SENP5: variants seen among roughly 807,000 people sequenced by gnomAD.
SENP5 encodes the protein SUMO specific peptidase 5.
A neutral mutation model predicts 74.2 loss-of-function variants in SENP5; 21 were observed. The ratio of observed to expected loss-of-function variants is 0.28; its 90% CI spans 0.20 to 0.41. The LOEUF is 0.41. Among genes scored for constraint, SENP5 ranks in the 10% least tolerant of loss-of-function variants. The pLI is 1.00. For missense variants in SENP5, 717 were observed against 889.1 expected, an observed-to-expected ratio of 0.81 and a Z score of 2.46; for synonymous variants, 311 against 312.7, an observed-to-expected ratio of 0.99 and a Z score of 0.06.
chr3:196,881,057 C>T (rs933783523), intron 1 of SENP5, among the ~76,000 whole-genome samples: 4 of 152,098 alleles, frequency 2.6e-5, no homozygotes, highest in African/African-American at 9.7e-5. Flanking sequence ...GTTGATCCAC[C>T]CACCTCAGCC....
intron 1 of SENP5, among the ~76,000 whole-genome samples, chr3:196,873,210 A>T (rs1713294129): frequency 6.6e-6 from 1 of 151,470 alleles, no homozygotes; most frequent in South Asian, 2.1e-4. Flanking sequence ...AGTAGCTGAG[A>T]TTACAGGCAC....
intron 6 of SENP5, among the ~76,000 whole-genome samples, chr3:196,915,112 A>G (rs1004655958): frequency 6.6e-6 from 1 of 152,230 alleles, no homozygotes; most frequent in African/African-American, 2.4e-5. Flanking sequence ...TTCCACCACC[A>G]GTTGAGTAAA....
chr3:196,909,972 A>G (rs1297578773), intron 6 of SENP5, among the ~76,000 whole-genome samples: 1 of 152,188 alleles, frequency 6.6e-6, no homozygotes, highest in African/African-American at 2.4e-5. Flanking sequence ...TGTCTCTTGC[A>G]GATGGCATGA....
chr3:196,895,713 G>A (rs1377749330), intron 2 of SENP5, among the ~76,000 whole-genome samples: 6 of 151,932 alleles, frequency 3.9e-5, no homozygotes, highest in Non-Finnish European at 5.9e-5. Context: ...GTAGAGAAGC[G>A]GTCTCACTTT....
intron 1 of SENP5, among the ~76,000 whole-genome samples, chr3:196,874,482 TCTTTTTAGAAA>T (rs768505646): frequency 6.6e-6 from 1 of 152,088 alleles, no homozygotes; most frequent in Non-Finnish European, 1.5e-5. Flanking sequence ...ACCATTTCCC[TCTTTTTAGAAA>T]CCTGTTCTAG....
chr3:196,886,494 A>T lies in SENP5; in HGVS notation c.1313A>T (p.Asn438Ile). 2 of 1,612,154 alleles carry T rather than the reference A, an allele frequency of 1.2e-6. No homozygotes were observed. Among genetic ancestry groups the T allele is most frequent in the Non-Finnish European group, 8.5e-7 (1 of 1,179,230 alleles). Residue 438 changes from asparagine (N) to isoleucine (I), a missense_variant, in exon 2 of 10, where the codon AAC becomes ATC. Asn to Ile is a moderately radical substitution (Grantham distance 149, BLOSUM62 -3). Around this residue, in one of 4 missense-constraint regions of SENP5, gnomAD observed 567 missense variants for 577.4 expected, o/e 0.98. Transcript: ENST00000323460. ...PVSQKAVQNE[N>I]SYQMEEDGSL... is the part of the protein sequence containing the mutation. ...TCCCAAAAGGCTGTTCAAAATGAGA[A>T]CTCATACCAGATGGAGGAGGATGGA...
chr3:196,901,043 A>ACTTTT (rs369187807), intron 5 of SENP5, among the ~76,000 whole-genome samples: 1 of 100,992 alleles, frequency 9.9e-6, no homozygotes, highest in African/African-American at 3.1e-5. Context: ...TTATGTATTT[A>ACTTTT]TTTTACTTTT....
chr3:196,911,985 C>T (rs535789808), intron 6 of SENP5, among the ~76,000 whole-genome samples: 7 of 152,220 alleles, frequency 4.6e-5, no homozygotes, highest in East Asian at 1.9e-4. Flanking sequence ...TTGGTGGGAA[C>T]GTAAGTTAGT....
At position 196,885,926 on chromosome 3, in the gene SENP5, C is replaced by T; in HGVS notation, c.745C>T (p.Gln249Ter). Residue 249 changes from glutamine (Q) to a stop codon, truncating the protein, a stop_gained, in exon 2 of 10, where the codon CAG becomes TAG. Coordinates refer to ENST00000323460, the MANE Select transcript of SENP5 (RefSeq NM_152699.5). LOFTEE classifies it high-confidence loss of function. ...ATTTCGGTACAGGATTCTCAGATCC[C>T]AGCACTTCAGAACCAAAAGCAAGGT... The part of the protein sequence containing the change: ...IRFRYRILRS[Q>*]HFRTKSKVCK... 1.2e-6 allele frequency: 2 copies of T among 1,614,030 alleles called. No individual in the cohort carries two copies. Among genetic ancestry groups the T allele is most frequent in the Non-Finnish European group, 8.5e-7 (1 of 1,180,028 alleles).
In SENP5 at chr3:196,886,180, C is replaced by G; in HGVS notation, c.999C>G (p.Phe333Leu). 1 of 1,614,212 alleles carries G rather than the reference C, an allele frequency of 6.2e-7. No homozygotes were observed. The highest frequency in any genetic ancestry group is 8.5e-7 in the Non-Finnish European group (1 of 1,180,042). ...ATTGCCACACTAAAGGAAGCTCTTT[C>G]TTGGGCAAGGAGCTTAGTTTAGACG... ...VPDCHTKGSS[F>L]LGKELSLDEA... The change falls in exon 2 of 10, where the codon TTC (phenylalanine) becomes TTG (leucine). Residue 333 changes from phenylalanine to leucine, a missense_variant. This residue lies in a region of SENP5 where 567 missense variants were observed against 577.4 expected (regional missense o/e 0.98). Coordinates refer to ENST00000323460, the MANE Select transcript of SENP5 (RefSeq NM_152699.5).
At chr3:196,884,197 CAAG>C (rs1266678753) in intron 1 of SENP5, among the ~76,000 whole-genome samples, 1 of 152,228 alleles carries the variant, frequency 6.6e-6, no homozygotes, top group East Asian at 1.9e-4. Context: ...GTCAGCATCT[CAAG>C]AGGGAAGCCA....
intron 1 of SENP5, among the ~76,000 whole-genome samples, chr3:196,871,618 G>A (rs1340678466): frequency 6.6e-6 from 1 of 152,004 alleles, no homozygotes; most frequent in African/African-American, 2.4e-5. Flanking sequence ...CCAGCACTTA[G>A]GGAGGCCGAG....
intron 1 of SENP5, among the ~76,000 whole-genome samples, chr3:196,879,819 C>T (rs533320444): frequency 6.6e-6 from 1 of 152,148 alleles, no homozygotes; most frequent in South Asian, 2.1e-4. Flanking sequence ...GGAGATTGCT[C>T]AAAATTTTAA....
At chr3:196,888,562 C>T (rs904322200) in intron 2 of SENP5, among the ~76,000 whole-genome samples, 6 of 148,542 alleles carry the variant, frequency 4.0e-5, no homozygotes, top group South Asian at 4.2e-4. Flanking sequence ...CCAGCCTGGG[C>T]GACAGAGCGA....
In SENP5 at chr3:196,885,653, A is replaced by G. The variant is rs760791404; in HGVS notation, c.472A>G (p.Arg158Gly). The G allele has an allele frequency of 6.2e-7, 1 of 1,614,250 alleles. No homozygotes were observed. The highest frequency in any genetic ancestry group is 1.1e-5 in the South Asian group (1 of 91,084). Residue 158 changes from arginine (R) to glycine (G), a missense_variant, in exon 2 of 10, where the codon AGG becomes GGG. Around this residue, in one of 4 missense-constraint regions of SENP5, gnomAD observed 567 missense variants for 577.4 expected, o/e 0.98. Coordinates refer to ENST00000323460, the MANE Select transcript of SENP5 (RefSeq NM_152699.5). ...ALGQANGHRP[R>G]TDPQPSDFPM... The stretch of plus-strand genomic sequence containing the variant: ...AGGTCAGGCCAATGGTCACAGACCT[A>G]GGACAGACCCACAACCTTCTGACTT...
intron 1 of SENP5, among the ~76,000 whole-genome samples, chr3:196,883,543 G>A (rs116151481): frequency 1.6e-4 from 24 of 152,198 alleles, no homozygotes; most frequent in African/African-American, 5.8e-4. Context: ...CATCTGCCAC[G>A]GTAGGAGATG....
rs557699608 is a variant in SENP5, at chr3:196,919,739, G to A, written c.1885-3675G>A. Among the ~76,000 whole-genome samples the A allele has an allele frequency of 3.3e-4, 50 of 151,766 alleles. 1 individual carries two copies. The East Asian group carries it at 9.1e-3, about 28-fold the overall frequency. ...ACCCAGGAGGCGGAGGTTGCAGTGA[G>A]CCGAGATTGTGCCATTCCACTGCAG... On this transcript the variant is annotated intron_variant, in intron 6 of 9. Coordinates refer to ENST00000323460, the MANE Select transcript of SENP5 (RefSeq NM_152699.5).
At chr3:196,914,564 T>TTAA (rs1229499065) in intron 6 of SENP5, 1 of 26,336 alleles carries the variant, frequency 3.8e-5, no homozygotes, top group Non-Finnish European at 7.5e-5. Flanking sequence ...AGGTTTGCTT[T>TTAA]AAAAAAAAAA....
At chr3:196,890,427 G>A (rs1714151521) in intron 2 of SENP5, among the ~76,000 whole-genome samples, 1 of 152,296 alleles carries the variant, frequency 6.6e-6, no homozygotes, top group East Asian at 1.9e-4. Context: ...ACTTAGGGGA[G>A]ATTTACTTGT....
Sources: gnomAD v4.1 joint callset for allele counts (sites outside exome capture counted in the v4.1 genomes callset) on GRCh38, gnomAD v4.1.1 for gene constraint, gnomAD v4.1.1 regional missense constraint, MANE v1.5 for transcripts, NCBI Gene and HGNC (gene_info 2026-07-23, HGNC 2026-07-21) for gene names.